Variants in TMEM132C observed in about 807,000 individuals in gnomAD.
TMEM132C encodes protein phosphatase 1, regulatory subunit 152.
In TMEM132C, 29 loss-of-function variants were observed where a neutral mutation model predicts 61.4. The observed-to-expected ratio is 0.47, with a 90% CI of 0.35 to 0.64. The LOEUF is 0.64. Ranked by LOEUF, TMEM132C falls within the 30% of genes least tolerant of loss-of-function variation. The pLI is 0.00. For missense variants in TMEM132C, 1,408 were observed against 1,476.9 expected, an observed-to-expected ratio of 0.95 and a Z score of 0.76; for synonymous variants, 656 against 633.1, an observed-to-expected ratio of 1.04 and a Z score of -0.54.
At chr12:128,300,970 G>A (rs1266247793) in intron 1 of TMEM132C, among the ~76,000 whole-genome samples, 7 of 152,194 alleles carry the variant, frequency 4.6e-5, no homozygotes, top group Non-Finnish European at 1.5e-5. Context: ...GAGCTCAGGA[G>A]TTTGAGGCTA....
chr12:128,363,319 G>A (rs963691888), intron 1 of TMEM132C, among the ~76,000 whole-genome samples: 1 of 152,178 alleles, frequency 6.6e-6, no homozygotes, highest in Non-Finnish European at 1.5e-5. Context: ...CCACTTCAAC[G>A]ACTTAACAAT....
chr12:128,685,523 T>G (rs1393044090), intron 5 of TMEM132C, among the ~76,000 whole-genome samples: 1 of 152,150 alleles, frequency 6.6e-6, no homozygotes, highest in East Asian at 1.9e-4. Context: ...TTGGAGGAAG[T>G]AGCTATTAAT....
Position 128,634,361 on chromosome 12 carries a change from C to T in TMEM132C, c.1305+18026C>T, listed in dbSNP as rs1037293909. 2.0e-5 allele frequency among the ~76,000 whole-genome samples: 3 copies of T among 152,240 alleles called. 1 individual carries two copies. The highest frequency in any genetic ancestry group is 1.3e-4 in the Admixed American group (2 of 15,288). On this transcript the variant is annotated intron_variant, in intron 4 of 8. Coordinates refer to ENST00000435159, the MANE Select transcript of TMEM132C (RefSeq NM_001136103.3). ...AAGTGCTGGGATTACAGGCATGAGC[C>T]GCTGTGCCCAGCCAACATGTCTTTT...
intron 1 of TMEM132C, among the ~76,000 whole-genome samples, chr12:128,323,637 C>T (rs779199148): frequency 6.6e-6 from 1 of 152,222 alleles, no homozygotes; most frequent in African/African-American, 2.4e-5. Flanking sequence ...CAGATAGAAT[C>T]TATGGGCTTT....
At chr12:128,596,643 C>G in intron 3 of TMEM132C, among the ~76,000 whole-genome samples, 1 of 151,154 alleles carries the variant, frequency 6.6e-6, no homozygotes, top group Admixed American at 6.6e-5. Flanking sequence ...CACTGGGCTG[C>G]CCCTTTCGCA....
intron 8 of TMEM132C, among the ~76,000 whole-genome samples, chr12:128,698,250 A>C (rs1478851338): frequency 6.6e-6 from 1 of 152,134 alleles, no homozygotes; most frequent in African/African-American, 2.4e-5. Context: ...AATGACTCTT[A>C]GAATTGGGCT....
At chr12:128,553,833 C>T (rs1231108640) in intron 3 of TMEM132C, among the ~76,000 whole-genome samples, 1 of 152,148 alleles carries the variant, frequency 6.6e-6, no homozygotes, top group Non-Finnish European at 1.5e-5. Context: ...AAAGCTGGCA[C>T]CAGATGAGTG....
At chr12:128,289,057 C>G (rs994790964) in intron 1 of TMEM132C, 5 of 152,264 alleles carry the variant, frequency 3.3e-5, no homozygotes, top group African/African-American at 1.2e-4. Context: ...CCCACACATT[C>G]ACACACTCAT....
chr12:128,597,088 A>G (rs1435551481), intron 3 of TMEM132C, among the ~76,000 whole-genome samples: 3 of 152,212 alleles, frequency 2.0e-5, no homozygotes, highest in Non-Finnish European at 4.4e-5. Flanking sequence ...TTGCTTCTCC[A>G]AATCAGCTTA....
intron 1 of TMEM132C, among the ~76,000 whole-genome samples, chr12:128,306,869 C>T (rs1330487517): frequency 6.6e-6 from 1 of 152,110 alleles, no homozygotes; most frequent in Non-Finnish European, 1.5e-5. Flanking sequence ...TGGGAAAAGC[C>T]TGGGCATATG....
At chr12:128,271,561 CA>C (rs1382005862) in intron 1 of TMEM132C, among the ~76,000 whole-genome samples, 1 of 152,158 alleles carries the variant, frequency 6.6e-6, no homozygotes, top group African/African-American at 2.4e-5. Flanking sequence ...CAACTTCTCT[CA>C]AAAGTGTCGA....
At chr12:128,598,957 A>G (rs1022004400) in intron 3 of TMEM132C, among the ~76,000 whole-genome samples, 5 of 152,106 alleles carry the variant, frequency 3.3e-5, no homozygotes, top group Admixed American at 6.5e-5. Context: ...CCTGCAAACT[A>G]CATTTTCCGG....
At chr12:128,526,990 G>T (rs1374850158) in intron 2 of TMEM132C, among the ~76,000 whole-genome samples, 6 of 152,318 alleles carry the variant, frequency 3.9e-5, no homozygotes. Flanking sequence ...AGCCCAGGCA[G>T]GTGGGCCTCA....
rs367909518 is a variant in TMEM132C, at chr12:128,579,439, C to T, written c.1121+35336C>T. The stretch of plus-strand genomic sequence containing the variant: ...TTGGGGCAAGGAGAACATGAACATG[C>T]CTCTTGCATTACCCACCCCTCCTCC... On this transcript the variant is annotated intron_variant, in intron 3 of 8. Transcript: ENST00000435159. Among the ~76,000 whole-genome samples the T allele has an allele frequency of 5.9e-5, 9 of 152,324 alleles. No individual in the cohort carries two copies. The East Asian group carries it at 9.6e-4, about 16-fold the overall frequency.
chr12:128,372,256 C>A (rs1200517811), intron 1 of TMEM132C, among the ~76,000 whole-genome samples: 7 of 152,202 alleles, frequency 4.6e-5, no homozygotes, highest in Admixed American at 4.6e-4. Context: ...ACAACAGCTA[C>A]CACAAGATCC....
intron 2 of TMEM132C, among the ~76,000 whole-genome samples, chr12:128,482,733 C>A (rs965443482): frequency 1.3e-5 from 2 of 152,076 alleles, no homozygotes; most frequent in Non-Finnish European, 2.9e-5. Context: ...TTATCCATTT[C>A]TTCTTCAGTA....
chr12:128,491,194 C>T (rs1246957650), intron 2 of TMEM132C, among the ~76,000 whole-genome samples: 4 of 152,130 alleles, frequency 2.6e-5, no homozygotes, highest in Admixed American at 6.6e-5. Flanking sequence ...CATTTGTTAT[C>T]ATTGATAAGG....
intron 2 of TMEM132C, among the ~76,000 whole-genome samples, chr12:128,516,628 T>A (rs1001531311): frequency 2.6e-5 from 4 of 152,012 alleles, no homozygotes; most frequent in Middle Eastern, 3.4e-3. Flanking sequence ...AAAAAAAGAT[T>A]GAGTCAGACA....
intron 2 of TMEM132C, among the ~76,000 whole-genome samples, chr12:128,532,743 G>T (rs548151047): frequency 1.3e-5 from 2 of 151,920 alleles, no homozygotes; most frequent in South Asian, 4.2e-4. Context: ...AACCATGTGA[G>T]GGTGAAGCTC....
Sources: allele counts gnomAD v4.1 joint callset (sites outside exome capture counted in the v4.1 genomes callset), GRCh38; gene constraint gnomAD v4.1.1; transcripts MANE v1.5; gene names NCBI Gene and HGNC (gene_info 2026-07-23, HGNC 2026-07-21).